PXDC1: variants seen among roughly 807,000 people sequenced by gnomAD.
PXDC1 encodes PX domain containing 1.
PXDC1 carries 13 observed loss-of-function variants against 24.4 expected under a neutral mutation model. The observed-to-expected ratio is 0.53, with a 90% confidence interval of 0.35 to 0.85. The LOEUF is 0.85. Among genes scored for constraint, PXDC1 ranks in the 40% least tolerant of loss-of-function variants. The probability of loss-of-function intolerance (pLI) is 0.01; values close to 1 mark genes in which losing one functional copy is unlikely to be tolerated. For synonymous variants in PXDC1, 162 were observed against 124.9 expected, an observed-to-expected ratio of 1.30 and a Z score of -1.98; for missense variants, 344 against 309.3, an observed-to-expected ratio of 1.11 and a Z score of -0.84.
chr6:3,731,931 G>C (rs1438338513), intron 3 of PXDC1, among the ~76,000 whole-genome samples: 1 of 152,242 alleles, frequency 6.6e-6, no homozygotes, highest in East Asian at 1.9e-4. Context: ...TGCTGCTGAG[G>C]CTGCTGTGGA....
In PXDC1 at chr6:3,728,089, A is replaced by C. The variant is rs1253031560; in HGVS notation, c.467-427T>G. 1.3e-5 allele frequency among the ~76,000 whole-genome samples: 2 copies of C among 152,180 alleles called. No homozygotes were observed. The highest frequency in any genetic ancestry group is 4.8e-5 in the African/African-American group (2 of 41,444). ...TCACTGTGGCTGAGACATGAGTAAC[A>C]ATATTGACTGCCCTGGGTTGTTGTT... On this transcript the variant is annotated intron_variant, in intron 3 of 4. Coordinates refer to ENST00000380283, the MANE Select transcript of PXDC1 (RefSeq NM_183373.4). This position sits in a 1 kb window ranked among gnomAD's most constrained non-coding sequence, Gnocchi z 4.0.
intron 1 of PXDC1, among the ~76,000 whole-genome samples, chr6:3,743,297 C>T (rs1561738583): frequency 2.0e-5 from 3 of 152,188 alleles, no homozygotes; most frequent in South Asian, 2.1e-4. Flanking sequence ...TCAGAGGACG[C>T]GGTTCCCACA....
intron 3 of PXDC1, among the ~76,000 whole-genome samples, chr6:3,736,243 C>G (rs1760311822): frequency 6.6e-6 from 1 of 152,192 alleles, no homozygotes; most frequent in Non-Finnish European, 1.5e-5. Flanking sequence ...CCCTCCTTCT[C>G]CCCTGCTTCC....
rs1210225464 is a variant in PXDC1, at chr6:3,728,822, A to G, written c.467-1160T>C. The stretch of plus-strand genomic sequence containing the variant: ...GCGTTTCCGTCCCCTCGCTCAGCAG[A>G]TGAGATCTGGTAGCCATGGCCAGTT... On this transcript the variant is annotated intron_variant, in intron 3 of 4. Coordinates refer to ENST00000380283, the MANE Select transcript of PXDC1 (RefSeq NM_183373.4). This position sits in a 1 kb window ranked among gnomAD's most constrained non-coding sequence, Gnocchi z 4.0. 6.6e-6 allele frequency among the ~76,000 whole-genome samples: 1 copy of G among 152,148 alleles called. No individual in the cohort carries two copies. The highest frequency in any genetic ancestry group is 1.5e-5 in the Non-Finnish European group (1 of 68,020).
intron 1 of PXDC1, among the ~76,000 whole-genome samples, chr6:3,742,177 C>T (rs1164744340): frequency 6.6e-6 from 1 of 152,204 alleles, no homozygotes; most frequent in Non-Finnish European, 1.5e-5. Context: ...ATACTGCTTC[C>T]CCCAAAGCAA....
At chr6:3,736,252 C>T (rs1760312014) in intron 3 of PXDC1, among the ~76,000 whole-genome samples, 1 of 152,192 alleles carries the variant, frequency 6.6e-6, no homozygotes, top group Admixed American at 6.5e-5. Context: ...TCCCCTGCTT[C>T]CTCCTCCATT....
intron 1 of PXDC1, among the ~76,000 whole-genome samples, chr6:3,747,447 T>G (rs1760596005): frequency 6.6e-6 from 1 of 152,122 alleles, no homozygotes. Flanking sequence ...AGCCCAAATG[T>G]GACCACGACC....
chr6:3,743,568 TC>T (rs1391527906), intron 1 of PXDC1, among the ~76,000 whole-genome samples: 1 of 152,166 alleles, frequency 6.6e-6, no homozygotes, highest in Non-Finnish European at 1.5e-5. Context: ...CTTTAAAACT[TC>T]CTAAGTACCT....
chr6:3,744,041 G>A (rs905852653), intron 1 of PXDC1, among the ~76,000 whole-genome samples: 5 of 152,328 alleles, frequency 3.3e-5, no homozygotes, highest in Admixed American at 2.0e-4. Context: ...CTCCTAGAGC[G>A]ACTGGGAAAG....
intron 1 of PXDC1, among the ~76,000 whole-genome samples, chr6:3,740,910 G>A (rs1760436583): frequency 6.6e-6 from 1 of 152,264 alleles, no homozygotes; most frequent in African/African-American, 2.4e-5. Flanking sequence ...AGAGTCATAG[G>A]GCAGGAGGCA....
At chr6:3,749,897 T>C (rs1760659966) in intron 1 of PXDC1, among the ~76,000 whole-genome samples, 1 of 152,252 alleles carries the variant, frequency 6.6e-6, no homozygotes, top group South Asian at 2.1e-4. Context: ...AATAAACCGC[T>C]GTTCCTTCAC....
intron 1 of PXDC1, chr6:3,739,061 G>A (rs912004234): frequency 8.4e-7 from 1 of 1,187,576 alleles, no homozygotes; most frequent in African/African-American, 1.6e-5. Flanking sequence ...CACCAACCTA[G>A]TATTATTGGT....
At chr6:3,747,224 C>T (rs1211780293) in intron 1 of PXDC1, among the ~76,000 whole-genome samples, 1 of 152,044 alleles carries the variant, frequency 6.6e-6, no homozygotes, top group African/African-American at 2.4e-5. Flanking sequence ...ACTCTGGGGT[C>T]ATCTGCACAC....
intron 1 of PXDC1, among the ~76,000 whole-genome samples, chr6:3,739,924 A>G (rs986161465): frequency 2.0e-5 from 3 of 152,244 alleles, no homozygotes; most frequent in African/African-American, 4.8e-5. Context: ...CCAATTCAAA[A>G]TTCTTAAAAA....
chr6:3,749,307 C>T (rs1402125026), intron 1 of PXDC1, among the ~76,000 whole-genome samples: 1 of 151,728 alleles, frequency 6.6e-6, no homozygotes, highest in Admixed American at 6.6e-5. Flanking sequence ...ACACTCACCG[C>T]CCACCAGCCC....
Position 3,723,278 on chromosome 6 carries a change from C to T in PXDC1, c.*341G>A, listed in dbSNP as rs913102721. ...ACTTCACCAAGAGGGATGCACCTCCCAGGAAGCAGTAGCAGTGAGAGCGAG... is the reference window on the plus strand; with the variant it reads ...ACTTCACCAAGAGGGATGCACCTCCTAGGAAGCAGTAGCAGTGAGAGCGAG... On this transcript the variant is annotated 3_prime_UTR_variant, in exon 5 of 5. Transcript: ENST00000380283. The T allele has an allele frequency of 2.0e-5, 5 of 255,366 alleles. No individual in the cohort carries two copies. The highest frequency in any genetic ancestry group is 3.0e-5 in the Non-Finnish European group (4 of 133,372). 15.8% of individuals were successfully genotyped at this position (255,366 alleles called of 1,614,324 possible). A position where few individuals can be genotyped will look rare whatever the true frequency, so the allele number is the denominator to read the frequency against.
chr6:3,738,995 G>A (rs1760395145), intron 1 of PXDC1: 2 of 1,270,228 alleles, frequency 1.6e-6, no homozygotes, highest in South Asian at 2.5e-5. Context: ...AAACCACAAA[G>A]GCTTAAGTGC....
At position 3,737,335 on chromosome 6, in the gene PXDC1, T is replaced by C; in HGVS notation, c.349-139A>G. 3 of 673,024 alleles carry C rather than the reference T, an allele frequency of 4.5e-6. No individual in the cohort carries two copies. Among genetic ancestry groups the C allele is most frequent in the Non-Finnish European group, 5.2e-6 (2 of 385,830 alleles). 41.7% of individuals were successfully genotyped at this position (673,024 alleles called of 1,614,324 possible). ...CCCCATGAATGTCCAGATGCTCCCA[T>C]GGCTGGCCGCAGGGGCGGGGCTGCC... On this transcript the variant is annotated intron_variant, in intron 2 of 4. Transcript: ENST00000380283. The surrounding 1 kb of genome is among the most constrained non-coding windows in gnomAD (Gnocchi z 5.5).
chr6:3,746,926 T>G (rs1408059820), intron 1 of PXDC1, among the ~76,000 whole-genome samples: 1 of 152,088 alleles, frequency 6.6e-6, no homozygotes. Context: ...CCTTTTCTGG[T>G]AATGTCCCAG....
Sources: allele counts gnomAD v4.1 joint callset (sites outside exome capture counted in the v4.1 genomes callset), GRCh38; gene constraint gnomAD v4.1.1; non-coding constraint Gnocchi (gnomAD v3.1); transcripts MANE v1.5; gene names NCBI Gene and HGNC (gene_info 2026-07-23, HGNC 2026-07-21).